DAOA: variants seen among roughly 807,000 people sequenced by gnomAD.
DAOA encodes the protein D-amino acid oxidase regulator.
A neutral mutation model predicts 16.4 loss-of-function variants in DAOA; 15 were observed. The ratio of observed to expected loss-of-function variants is 0.91; its 90% CI spans 0.61 to 1.41. The LOEUF is 1.41. DAOA is among the 40% of genes most tolerant of loss of function. The pLI, the probability that DAOA is intolerant of heterozygous loss-of-function variation, is 0.00. For missense variants in DAOA, 230 were observed against 176.8 expected, an observed-to-expected ratio of 1.30 and a Z score of -1.71; for synonymous variants, 75 against 59.1, an observed-to-expected ratio of 1.27 and a Z score of -1.23.
intron 2 of DAOA, 149 bp from the exon 3 acceptor site, chr13:105,466,903 AT>A (rs1194717635): frequency 1.6e-5 from 17 of 1,072,292 alleles, no homozygotes; most frequent in African/African-American, 4.8e-5. Context: ...AAATAAAAAA[AT>A]AAGACGTATT....
intron 4 of DAOA, among the ~76,000 whole-genome samples, chr13:105,480,631 C>T (rs1001536304): frequency 6.6e-6 from 1 of 152,004 alleles, no homozygotes; most frequent in African/African-American, 2.4e-5. Flanking sequence ...GACAAGCCAT[C>T]TGCAAGCTGG....
chr13:105,483,755 C>A (rs959916615), intron 4 of DAOA, among the ~76,000 whole-genome samples: 2 of 151,570 alleles, frequency 1.3e-5, no homozygotes, highest in African/African-American at 4.8e-5. Context: ...TTAGATATAA[C>A]CTTTGTAAAT....
At chr13:105,469,984 T>C (rs993758326) in intron 3 of DAOA, among the ~76,000 whole-genome samples, 2 of 152,158 alleles carry the variant, frequency 1.3e-5, no homozygotes, top group African/African-American at 4.8e-5. Flanking sequence ...TGATTTCTTA[T>C]TGGCTTTTAC....
intron 3 of DAOA, among the ~76,000 whole-genome samples, chr13:105,470,409 C>CT (rs1447291192): frequency 1.3e-5 from 2 of 151,936 alleles, no homozygotes; most frequent in Non-Finnish European, 2.9e-5. Context: ...GATACCATGC[C>CT]TTTTTTATCA....
chr13:105,470,790 C>CT (rs1360730088), intron 3 of DAOA, among the ~76,000 whole-genome samples: 1 of 61,650 alleles, frequency 1.6e-5, no homozygotes. Flanking sequence ...GTTTTCTTTT[C>CT]TTTTTTCTTT....
intron 4 of DAOA, among the ~76,000 whole-genome samples, chr13:105,483,185 AT>A (rs1310669082): frequency 6.6e-6 from 1 of 152,136 alleles, no homozygotes; most frequent in Non-Finnish European, 1.5e-5. Context: ...CAGTATAATT[AT>A]TTTTAGTCTC....
rs1274919605 is a variant in DAOA, at chr13:105,472,648, TGTCCTTGGGTCTCTTACCTTCCTCA to T, written c.246_270del (p.Trp84MetfsTer7). The T allele has an allele frequency of 6.2e-7, 1 of 1,613,976 alleles. No individual in the cohort carries two copies. Among genetic ancestry groups the T allele is most frequent in the Non-Finnish European group, 8.5e-7 (1 of 1,179,948 alleles). On this transcript the variant is annotated frameshift_variant, in exon 4 of 6. Coordinates refer to ENST00000375936, the MANE Select transcript of DAOA (RefSeq NM_172370.5). LOFTEE classifies it high-confidence loss of function. ...ACAGAGGCATTTACAGAGATCATTA[TGTCCTTGGGTCTCTTACCTTCCTCA>T]GCCCTATGCAGAGTATGTATCTTCT...
chr13:105,473,622 A>G (rs1301192388), intron 4 of DAOA, among the ~76,000 whole-genome samples: 1 of 152,156 alleles, frequency 6.6e-6, no homozygotes, highest in African/African-American at 2.4e-5. Context: ...AAGCAGCTAG[A>G]AAATGGAAAA....
intron 4 of DAOA, among the ~76,000 whole-genome samples, chr13:105,479,506 T>C (rs999863307): frequency 1.3e-5 from 2 of 152,186 alleles, no homozygotes; most frequent in African/African-American, 4.8e-5. Context: ...ACAGAGAATC[T>C]GTGCCAGGCT....
chr13:105,484,431 A>G (rs987244026), intron 4 of DAOA, among the ~76,000 whole-genome samples: 1 of 152,140 alleles, frequency 6.6e-6, no homozygotes, highest in Admixed American at 6.6e-5. Context: ...TCTTAAGAAT[A>G]TTATCTTCCA....
At chr13:105,470,211 A>G (rs1566373362) in intron 3 of DAOA, among the ~76,000 whole-genome samples, 1 of 151,988 alleles carries the variant, frequency 6.6e-6, no homozygotes. Flanking sequence ...CTGCTTAAGG[A>G]ATAACAAACA....
chr13:105,488,808 C>T (rs1566385611), intron 4 of DAOA, among the ~76,000 whole-genome samples: 1 of 152,172 alleles, frequency 6.6e-6, no homozygotes, highest in Non-Finnish European at 1.5e-5. Context: ...AATATGGAGT[C>T]CCCAAGGATA....
chr13:105,471,517 CTACT>C (rs1352063200), intron 3 of DAOA, among the ~76,000 whole-genome samples: 1 of 152,182 alleles, frequency 6.6e-6, no homozygotes, highest in East Asian at 1.9e-4. Flanking sequence ...TAAGTGTTTG[CTACT>C]TACTTGAAAA....
rs1877629613 is a variant in DAOA at position 105,480,357 on chromosome 13, T to A, written c.281+7672T>A. ...CTTGTGTATTACATGGAATTTTACA[T>A]GTGTTTTTGGTTCCTAAGAGTCATT... On this transcript the variant is annotated intron_variant, in intron 4 of 5. Coordinates refer to ENST00000375936, the MANE Select transcript of DAOA (RefSeq NM_172370.5). Among the ~76,000 whole-genome samples, 3 of 152,148 alleles carry A rather than the reference T, an allele frequency of 2.0e-5. 1 individual carries two copies. The South Asian group carries it at 6.2e-4, about 32-fold the overall frequency.
intron 4 of DAOA, chr13:105,475,024 G>A: frequency 2.0e-6 from 2 of 985,754 alleles, no homozygotes; most frequent in African/African-American, 1.7e-5. Flanking sequence ...CATTTTAAAA[G>A]AATTTCTCAG....
At chr13:105,473,678 G>T (rs993439161) in intron 4 of DAOA, among the ~76,000 whole-genome samples, 4 of 152,088 alleles carry the variant, frequency 2.6e-5, no homozygotes, top group Non-Finnish European at 4.4e-5. Flanking sequence ...CAGGACTATT[G>T]CAGAGTAATT....
intron 4 of DAOA, among the ~76,000 whole-genome samples, chr13:105,478,309 G>C (rs1877484536): frequency 6.6e-6 from 1 of 152,184 alleles, no homozygotes; most frequent in African/African-American, 2.4e-5. Flanking sequence ...GCAATTGTGT[G>C]GTTTACTGGT....
rs1344636487 is a variant in DAOA, at chr13:105,468,235, A to G, written c.133+1094A>G. ...CCGGTCGTTAACATTAATTACATCT[A>G]TGAAGTCCCTTTGTTACACAAGATT... On this transcript the variant is annotated intron_variant, in intron 3 of 5. Transcript: ENST00000375936. Among the ~76,000 whole-genome samples the G allele has an allele frequency of 2.0e-5, 3 of 152,318 alleles. No individual in the cohort carries two copies. The East Asian group carries it at 5.8e-4, about 29-fold the overall frequency.
chr13:105,483,913 A>G (rs1375305730), intron 4 of DAOA, among the ~76,000 whole-genome samples: 2 of 152,038 alleles, frequency 1.3e-5, no homozygotes, highest in African/African-American at 2.4e-5. Context: ...TTATTCTTGC[A>G]TGGATCATGT....
Sources: allele counts gnomAD v4.1 joint callset (sites outside exome capture counted in the v4.1 genomes callset), GRCh38; gene constraint gnomAD v4.1.1; transcripts MANE v1.5; gene names NCBI Gene and HGNC (gene_info 2026-07-23, HGNC 2026-07-21).